Variants in DPP6 observed in about 807,000 individuals in gnomAD.
The protein encoded by DPP6 is dipeptidyl peptidase like 6, also known as A-type potassium channel modulatory protein DPP6.
In DPP6, 69 loss-of-function variants were observed where a neutral mutation model predicts 122.6. The ratio of observed to expected loss-of-function variants is 0.56; its 90% confidence interval spans 0.46 to 0.69. DPP6 has a LOEUF of 0.69. Ranked by LOEUF, DPP6 falls within the 30% of genes least tolerant of loss-of-function variation. The probability of loss-of-function intolerance (pLI) is 0.00; values close to 1 mark genes in which losing one functional copy is unlikely to be tolerated. For missense variants in DPP6, 928 were observed against 1,116.9 expected (o/e 0.83, Z 2.41); for synonymous variants, 418 against 433.1 (o/e 0.97, Z 0.43).
chr7:154,412,691 A>G (rs2151208985), intron 1 of DPP6, among the ~76,000 whole-genome samples: 1 of 152,166 alleles, frequency 6.6e-6, no homozygotes, highest in African/African-American at 2.4e-5. Context: ...TCAACTTTAG[A>G]AATCTTTTGA....
chr7:154,065,148 A>G (rs1585299314), intron 1 of DPP6, among the ~76,000 whole-genome samples: 2 of 151,954 alleles, frequency 1.3e-5, no homozygotes, highest in South Asian at 4.2e-4. Flanking sequence ...TCACTATCTT[A>G]CCTGTAATCA....
chr7:154,557,536 C>T (rs117735989), intron 4 of DPP6, among the ~76,000 whole-genome samples: 1,949 of 152,124 alleles, frequency 0.013, 21 homozygotes, highest in Non-Finnish European at 0.021. Context: ...GGAATAGAAC[C>T]GTGGCAAAAC....
At chr7:154,620,571 G>A (rs944506712) in intron 5 of DPP6, among the ~76,000 whole-genome samples, 1 of 152,218 alleles carries the variant, frequency 6.6e-6, no homozygotes, top group Non-Finnish European at 1.5e-5. Flanking sequence ...CAAGTGTGCA[G>A]TGTTTTTTTC....
intron 1 of DPP6, among the ~76,000 whole-genome samples, chr7:154,060,888 C>T (rs1345675057): frequency 2.8e-5 from 4 of 144,850 alleles, no homozygotes; most frequent in Admixed American, 1.4e-4. Context: ...TGGGGAGGCA[C>T]CCCCCACGAG....
chr7:154,338,437 T>C (rs1039915998), intron 1 of DPP6, among the ~76,000 whole-genome samples: 2 of 152,110 alleles, frequency 1.3e-5, no homozygotes, highest in Admixed American at 6.5e-5. Context: ...CAGGGACATA[T>C]AAAACTGGAG....
intron 1 of DPP6, among the ~76,000 whole-genome samples, chr7:154,128,027 C>T (rs982546064): frequency 4.7e-5 from 7 of 149,940 alleles, no homozygotes; most frequent in African/African-American, 7.4e-5. Context: ...AGCCCAAGAA[C>T]GTCTCCACAG....
At chr7:154,566,951 G>T (rs1278015291) in intron 5 of DPP6, 35 bp downstream of exon 5, 3 of 1,457,202 alleles carry the variant, frequency 2.1e-6, no homozygotes, top group Admixed American at 3.5e-5. Context: ...CAAAATAATT[G>T]TTTCTTTATT....
intron 1 of DPP6, among the ~76,000 whole-genome samples, chr7:154,345,293 C>A (rs1159653151): frequency 6.6e-6 from 1 of 152,186 alleles, no homozygotes; most frequent in Non-Finnish European, 1.5e-5. Flanking sequence ...TGACTCACCA[C>A]TTCCCAAGGT....
chr7:154,152,634 CA>C (rs1471424093), intron 1 of DPP6, among the ~76,000 whole-genome samples: 1 of 152,194 alleles, frequency 6.6e-6, no homozygotes, highest in African/African-American at 2.4e-5. Context: ...TTAGTTCCGG[CA>C]AAACCTCTTA....
intron 3 of DPP6, among the ~76,000 whole-genome samples, chr7:154,500,545 G>C (rs754556224): frequency 1.3e-5 from 2 of 152,108 alleles, no homozygotes; most frequent in African/African-American, 2.4e-5. Context: ...TCCTGATAGC[G>C]AATGAGTCTC....
intron 1 of DPP6, among the ~76,000 whole-genome samples, chr7:154,060,665 G>C (rs1200163205): frequency 0.016 from 1,719 of 107,366 alleles, no homozygotes; most frequent in East Asian, 0.036. Context: ...CGAGAGTGGC[G>C]ACTGAGAGCT....
intron 1 of DPP6, among the ~76,000 whole-genome samples, chr7:153,939,548 A>G (rs150863397): frequency 2.0e-5 from 3 of 152,320 alleles, no homozygotes; most frequent in Admixed American, 1.3e-4. Flanking sequence ...CTGAAAAAAA[A>G]GGACCTCACT....
intron 6 of DPP6, among the ~76,000 whole-genome samples, chr7:154,668,422 G>A (rs568972845): frequency 2.0e-5 from 3 of 151,124 alleles, no homozygotes; most frequent in South Asian, 2.1e-4. Context: ...GGGTTTCACC[G>A]TGTTAGCCAG....
At chr7:153,757,475 G>A in the DPP6 span, among the ~76,000 whole-genome samples, 118 of 152,304 alleles carry the variant, frequency 7.7e-4, no homozygotes, top group African/African-American at 2.1e-3. Context: ...ATGGTTTACT[G>A]AGGTAGAGTG....
intron 1 of DPP6, among the ~76,000 whole-genome samples, chr7:153,977,710 C>T (rs533977889): frequency 1.3e-5 from 2 of 151,882 alleles, no homozygotes; most frequent in Admixed American, 1.3e-4. Flanking sequence ...CTCCCCTTGT[C>T]CCCCACCCCC....
chr7:153,920,826 T>C (rs900007974), intron 1 of DPP6, among the ~76,000 whole-genome samples: 12 of 152,142 alleles, frequency 7.9e-5, no homozygotes, highest in Admixed American at 2.0e-4. Flanking sequence ...CCCAAAGTGC[T>C]GGGATTACAG....
chr7:154,666,661 C>G (rs1838188158), intron 6 of DPP6, among the ~76,000 whole-genome samples: 1 of 152,178 alleles, frequency 6.6e-6, no homozygotes, highest in Non-Finnish European at 1.5e-5. Flanking sequence ...ATCCCTCCCA[C>G]TCCCAGCCTC....
At chr7:153,990,334 C>T in intron 1 of DPP6, among the ~76,000 whole-genome samples, 1 of 109,650 alleles carries the variant, frequency 9.1e-6, no homozygotes. Flanking sequence ...CCAGGGTGAC[C>T]CCAATGCCTC....
intron 5 of DPP6, among the ~76,000 whole-genome samples, chr7:154,616,258 G>C (rs1025124146): frequency 1.3e-5 from 2 of 152,264 alleles, no homozygotes; most frequent in South Asian, 2.1e-4. Flanking sequence ...CTGATTCACA[G>C]CTCCATCCCC....
Sources: gnomAD v4.1 joint callset for allele counts (sites outside exome capture counted in the v4.1 genomes callset) on GRCh38, gnomAD v4.1.1 for gene constraint, MANE v1.5 for transcripts, NCBI Gene and HGNC (gene_info 2026-07-23, HGNC 2026-07-21) for gene names.